The following EXO1 variants were observed in gnomAD, a reference collection of about 807,000 sequenced individuals.
The protein encoded by EXO1 is exonuclease 1.
Under a neutral mutation model 84.5 loss-of-function variants are expected in EXO1, and 69 were observed. That is an observed-to-expected ratio of 0.82 (90% confidence interval 0.67 to 1.00). The LOEUF is 1.00. Ranked by LOEUF, EXO1 falls within the 50% of genes least tolerant of loss-of-function variation. The probability of loss-of-function intolerance (pLI) is 0.00; values close to 1 mark genes in which losing one functional copy is unlikely to be tolerated. For missense variants in EXO1, 1,045 were observed against 1,000.7 expected, an observed-to-expected ratio of 1.04 and a Z score of -0.60; for synonymous variants, 373 against 366.1, an observed-to-expected ratio of 1.02 and a Z score of -0.21.
At position 241,860,856 on chromosome 1, in the gene EXO1, C is replaced by G. The variant is rs1661342009; in HGVS notation, c.944+152C>G. ...TCTGTATATTGTTCATTTAAATTAC[C>G]ATGCTAGTGAAAATTGAGAACAACT... is the stretch of plus-strand genomic sequence containing the variant. On this transcript the variant is annotated intron_variant, in intron 9 of 15. Coordinates refer to ENST00000366548, the MANE Select transcript of EXO1 (RefSeq NM_130398.4). 6 of 708,864 alleles carry G rather than the reference C, an allele frequency of 8.5e-6. No homozygotes were observed. In the South Asian group the frequency reaches 1.0e-4, roughly 12 times the overall value. 43.9% of individuals were successfully genotyped at this position (708,864 alleles called of 1,614,324 possible).
At chr1:241,871,861 G>A (rs1314037915) in intron 11 of EXO1, among the ~76,000 whole-genome samples, 171 bp from the exon 12 acceptor site, 1 of 151,356 alleles carries the variant, frequency 6.6e-6, no homozygotes. Context: ...TAGACCTAAG[G>A]GAGTTTTTTT....
chr1:241,878,880 G>C lies in EXO1; in HGVS notation c.1646G>C (p.Arg549Thr), dbSNP rs769338146. ...ESEYGDQEGKRLVDTDVARNS... is the reference protein window; with the variant it reads ...ESEYGDQEGKTLVDTDVARNS... ...GAGTATGGAGACCAAGAAGGCAAGA[G>C]ACTGGTTGACACAGATGTAGCACGT... Residue 549 changes from arginine (R) to threonine (T), a missense_variant, in exon 13 of 16, where the codon AGA becomes ACA. Coordinates refer to ENST00000366548, the MANE Select transcript of EXO1 (RefSeq NM_130398.4). 2 of 1,614,014 alleles carry C rather than the reference G, an allele frequency of 1.2e-6. No homozygotes were observed. The highest frequency in any genetic ancestry group is 2.7e-5 in the African/African-American group (2 of 74,918).
chr1:241,884,709 A>G (rs1662954964), intron 14 of EXO1, among the ~76,000 whole-genome samples: 1 of 152,000 alleles, frequency 6.6e-6, no homozygotes, highest in Non-Finnish European at 1.5e-5. Context: ...ATGCATAGGA[A>G]GCTGGGAGCA....
At chr1:241,878,596 A>G (rs1662542711) in intron 12 of EXO1, among the ~76,000 whole-genome samples, 153 bp from the exon 13 acceptor site, 1 of 152,036 alleles carries the variant, frequency 6.6e-6, no homozygotes, top group East Asian at 1.9e-4. Context: ...AATTTTGACT[A>G]AAATTTAAGA....
At chr1:241,885,229 T>TAAATAAATAAAG in intron 14 of EXO1, 85 bp from the exon 15 acceptor site, 1 of 749,394 alleles carries the variant, frequency 1.3e-6, no homozygotes, top group Non-Finnish European at 2.0e-6. Flanking sequence ...AATAAATAAA[T>TAAATAAATAAAG]AAATAAGTAA....
intron 14 of EXO1, among the ~76,000 whole-genome samples, chr1:241,884,238 C>CT (rs1357245303): frequency 6.6e-6 from 1 of 152,054 alleles, no homozygotes; most frequent in African/African-American, 2.4e-5. Flanking sequence ...TCTTTTTTCT[C>CT]CCTCACTTTT....
At chr1:241,849,244 T>A (rs1184223379) in intron 3 of EXO1, 28 bp downstream of exon 3, 1 of 152,214 alleles carries the variant, frequency 6.6e-6, no homozygotes, top group African/African-American at 2.4e-5. Context: ...TCCTGTACTT[T>A]CTTTCTTCCT....
Position 241,848,954 on chromosome 1 carries a change from AT to A in EXO1, c.-195del, listed in dbSNP as rs1242281326. Reference sequence around the variant, plus strand: ...TATTTGCCTGGCCCAGAAGAAACTTATGTAAATTTCATGAACTATTATATCC... The same window carrying A: ...TATTTGCCTGGCCCAGAAGAAACTTAGTAAATTTCATGAACTATTATATCC... On this transcript the variant is annotated 5_prime_UTR_variant, in exon 2 of 16. The change abolishes an upstream ATG in the 5' untranslated region. Coordinates refer to ENST00000366548, the MANE Select transcript of EXO1 (RefSeq NM_130398.4). The surrounding 1 kb of genome is among the most constrained non-coding windows in gnomAD (Gnocchi z 4.2). 2.0e-5 allele frequency: 3 copies of A among 152,250 alleles called. No individual in the cohort carries two copies. Among genetic ancestry groups the A allele is most frequent in the Admixed American group, 6.5e-5 (1 of 15,288 alleles). 9.4% of individuals were successfully genotyped at this position (152,250 alleles called of 1,614,324 possible). A position where few individuals can be genotyped will look rare whatever the true frequency, so the allele number is the denominator to read the frequency against.
chr1:241,882,044 T>A (rs1448288970), intron 14 of EXO1, 27 bp downstream of exon 14: 14 of 1,191,866 alleles, frequency 1.2e-5, no homozygotes, highest in South Asian at 2.5e-5. Context: ...ATTTTTTTTT[T>A]AATTTCAGAA....
chr1:241,855,438 C>T (rs963519732), intron 6 of EXO1, among the ~76,000 whole-genome samples: 20 of 152,114 alleles, frequency 1.3e-4, no homozygotes, highest in African/African-American at 3.1e-4. Flanking sequence ...TACAGAGTGC[C>T]GATTGGTGTA....
intron 8 of EXO1, among the ~76,000 whole-genome samples, chr1:241,858,949 T>C (rs1195038599): frequency 6.6e-6 from 1 of 152,194 alleles, no homozygotes; most frequent in Non-Finnish European, 1.5e-5. Flanking sequence ...CAAAGACTAG[T>C]ATAAAGAGGC....
At chr1:241,865,195 A>ATTTT (rs1455508805) in intron 10 of EXO1, among the ~76,000 whole-genome samples, 22 of 120,402 alleles carry the variant, frequency 1.8e-4, no homozygotes, top group African/African-American at 6.8e-4. Flanking sequence ...ATATATATAT[A>ATTTT]TTTTTTGACT....
rs1558137329 is a variant in EXO1, at chr1:241,872,097, A to G, written c.1333A>G (p.Asn445Asp). Residue 445 changes from asparagine (N) to aspartate (D), a missense_variant, in exon 12 of 16, where the codon AAT (asparagine) becomes GAT (aspartate). Coordinates refer to ENST00000366548, the MANE Select transcript of EXO1 (RefSeq NM_130398.4). ...TTCATTTACGAAGAAGACCAAGAAA[A>G]ATAGCTCTGAAGGCAATAAATCATT... ...SLSFTKKTKK[N>D]SSEGNKSLSF... The G allele has an allele frequency of 1.2e-6, 2 of 1,613,906 alleles. No homozygotes were observed. The highest frequency in any genetic ancestry group is 3.3e-5 in the Admixed American group (2 of 60,014).
chr1:241,853,262 C>G lies in EXO1; in HGVS notation c.282-96C>G, dbSNP rs1314269137. On this transcript the variant is annotated intron_variant, in intron 5 of 15. Coordinates refer to ENST00000366548, the MANE Select transcript of EXO1 (RefSeq NM_130398.4). ...TTTCTAATGAGTCAAAAACTTTTTT[C>G]AGTTCTAGGAAAGCTTCTTGAATTA... 4.3e-6 allele frequency: 6 copies of G among 1,404,240 alleles called. No homozygotes were observed. In the Admixed American group the frequency reaches 1.0e-4, roughly 25 times the overall value. The allele number at this position is 1,404,240 out of a possible 1,614,324, so 87.0% of individuals were successfully genotyped here.
intron 12 of EXO1, 67 bp downstream of exon 12, chr1:241,872,345 C>CT (rs1164538503): frequency 4.7e-5 from 73 of 1,540,718 alleles, no homozygotes; most frequent in Non-Finnish European, 6.1e-5. Flanking sequence ...TTTATTTTGT[C>CT]TTTTTTTAGA....
In EXO1 at chr1:241,857,359, G is replaced by T. The variant is rs765285348; in HGVS notation, c.420G>T (p.Gln140His). 1.2e-6 allele frequency: 2 copies of T among 1,613,748 alleles called. No individual in the cohort carries two copies. Among genetic ancestry groups the T allele is most frequent in the Non-Finnish European group, 1.7e-6 (2 of 1,179,782 alleles). The stretch of plus-strand genomic sequence containing the variant: ...CTCTCTTCTAGGCTGCCCGGTCTCA[G>T]GGGGTAGATTGCCTCGTGGCTCCCT... ...AHKVIKAARS[Q>H]GVDCLVAPYE... is the part of the protein sequence containing the mutation. The change falls in exon 7 of 16, where the codon CAG becomes CAT. Residue 140 changes from glutamine to histidine, a missense_variant. Gln to His is a conservative substitution (Grantham distance 24). Coordinates refer to ENST00000366548, the MANE Select transcript of EXO1 (RefSeq NM_130398.4).
Position 241,858,685 on chromosome 1 carries a change from C to T in EXO1, c.723C>T (p.Val241=). 1.2e-6 allele frequency: 2 copies of T among 1,613,720 alleles called. No homozygotes were observed. The highest frequency in any genetic ancestry group is 1.1e-5 in the South Asian group (1 of 91,066). ...RGIGLAKACK[V]LRLANNPDIV... Reference sequence around the variant, plus strand: ...TTGGATTAGCAAAGGCATGCAAAGTCCTAAGACTAGCCAATAATCCAGATA... The same window carrying T: ...TTGGATTAGCAAAGGCATGCAAAGTTCTAAGACTAGCCAATAATCCAGATA... Residue 241 remains valine (V), a synonymous_variant, in exon 8 of 16, where the codon GTC becomes GTT. Transcript: ENST00000366548.
intron 4 of EXO1, among the ~76,000 whole-genome samples, chr1:241,851,849 T>A (rs1301044275): frequency 6.6e-6 from 1 of 152,168 alleles, no homozygotes; most frequent in African/African-American, 2.4e-5. Flanking sequence ...TAATATAAAC[T>A]GAGTATTAGA....
chr1:241,853,862 A>T (rs1474243517), intron 6 of EXO1, among the ~76,000 whole-genome samples: 1 of 152,138 alleles, frequency 6.6e-6, no homozygotes, highest in Non-Finnish European at 1.5e-5. Context: ...AAACTTAAAA[A>T]AATGAAGAGA....
Sources: gnomAD v4.1 joint callset for allele counts (sites outside exome capture counted in the v4.1 genomes callset) on GRCh38, gnomAD v4.1.1 for gene constraint, Gnocchi (gnomAD v3.1) non-coding constraint, MANE v1.5 for transcripts, NCBI Gene and HGNC (gene_info 2026-07-23, HGNC 2026-07-21) for gene names.